The following NAALADL2 variants were observed in gnomAD, a reference collection of about 807,000 sequenced individuals.
NAALADL2 encodes the protein inactive N-acetylated-alpha-linked acidic dipeptidase-like protein 2.
In NAALADL2, 76 loss-of-function variants were observed where a neutral mutation model predicts 87.2. The ratio of observed to expected loss-of-function variants is 0.87; its 90% CI spans 0.72 to 1.05. The LOEUF is 1.05. Among genes scored for constraint, NAALADL2 ranks in the 50% least tolerant of loss-of-function variants. The pLI, the probability that NAALADL2 is intolerant of heterozygous loss-of-function variation, is 0.00. For missense variants in NAALADL2, 1,089 were observed against 945.8 expected, an observed-to-expected ratio of 1.15 and a Z score of -1.99; for synonymous variants, 354 against 331.0, an observed-to-expected ratio of 1.07 and a Z score of -0.75.
intron 13 of NAALADL2, chr3:175,776,270 C>G (rs1449338810): frequency 6.6e-6 from 1 of 152,172 alleles, no homozygotes; most frequent in Non-Finnish European, 1.5e-5. Context: ...ACATACCTCC[C>G]CAGTAGCCTG....
At chr3:174,727,205 T>C (rs529499970) in intron 2 of NAALADL2, among the ~76,000 whole-genome samples, 8 of 152,116 alleles carry the variant, frequency 5.3e-5, no homozygotes, top group Non-Finnish European at 1.5e-5. Context: ...TGTTTTTTTT[T>C]CAATATTTTG....
chr3:175,169,909 T>C (rs1397853659), intron 2 of NAALADL2, among the ~76,000 whole-genome samples: 1 of 151,824 alleles, frequency 6.6e-6, no homozygotes, highest in Admixed American at 6.6e-5. Context: ...AACTCACTGG[T>C]TGAGAATATT....
intron 3 of NAALADL2, among the ~76,000 whole-genome samples, chr3:175,242,816 G>A (rs1348072134): frequency 1.3e-5 from 2 of 152,048 alleles, no homozygotes; most frequent in African/African-American, 4.8e-5. Context: ...CAATATAATA[G>A]GAGAAACTGG....
At chr3:175,029,448 A>C (rs1472137292) in intron 1 of NAALADL2, among the ~76,000 whole-genome samples, 4 of 152,068 alleles carry the variant, frequency 2.6e-5, no homozygotes, top group Non-Finnish European at 5.9e-5. Flanking sequence ...TGATATCTGC[A>C]TAACTCTCTC....
chr3:175,623,241 TTATTTGTAGC>T (rs1726484155), intron 10 of NAALADL2, among the ~76,000 whole-genome samples: 1 of 152,116 alleles, frequency 6.6e-6, no homozygotes, highest in South Asian at 2.1e-4. Flanking sequence ...AAAACCGAAT[TTATTTGTAGC>T]TAACCCATAA....
intron 13 of NAALADL2, among the ~76,000 whole-genome samples, chr3:175,777,226 T>C (rs937146965): frequency 2.5e-4 from 38 of 151,910 alleles, no homozygotes; most frequent in Non-Finnish European, 8.8e-5. Context: ...GGAATATTGT[T>C]TTAAAATAAA....
At chr3:175,801,062 G>A (rs1408410368) in intron 13 of NAALADL2, among the ~76,000 whole-genome samples, 1 of 152,090 alleles carries the variant, frequency 6.6e-6, no homozygotes, top group Non-Finnish European at 1.5e-5. Flanking sequence ...AGAGGAAATG[G>A]TGATCAAGAA....
chr3:174,829,087 T>C (rs1722315620), intron 3 of NAALADL2, among the ~76,000 whole-genome samples: 1 of 148,962 alleles, frequency 6.7e-6, no homozygotes, highest in Non-Finnish European at 1.5e-5. Context: ...AGGTATTACA[T>C]CTGTTTTTTT....
chr3:174,733,036 A>G (rs1706504604), intron 2 of NAALADL2, among the ~76,000 whole-genome samples: 1 of 152,204 alleles, frequency 6.6e-6, no homozygotes, highest in Non-Finnish European at 1.5e-5. Flanking sequence ...GTATAGAGAA[A>G]AACATCCTCC....
At chr3:175,374,878 AAATAAAT>A (rs1409179926) in intron 5 of NAALADL2, among the ~76,000 whole-genome samples, 1 of 75,076 alleles carries the variant, frequency 1.3e-5, no homozygotes, top group African/African-American at 5.7e-5. Context: ...TGTCGCAAAT[AAATAAAT>A]AAATAAATAA....
At chr3:175,418,073 T>G (rs1714983820) in intron 5 of NAALADL2, among the ~76,000 whole-genome samples, 1 of 151,898 alleles carries the variant, frequency 6.6e-6, no homozygotes, top group African/African-American at 2.4e-5. Context: ...TGGGAAGAGT[T>G]TGGGAAATCA....
chr3:174,959,491 A>C (rs180816879), intron 1 of NAALADL2, among the ~76,000 whole-genome samples: 4 of 152,180 alleles, frequency 2.6e-5, no homozygotes, highest in African/African-American at 9.6e-5. Context: ...GTGAGTTCAC[A>C]AAATTTAACA....
chr3:175,285,963 G>C (rs539808572), intron 4 of NAALADL2, among the ~76,000 whole-genome samples: 1 of 152,024 alleles, frequency 6.6e-6, no homozygotes. Context: ...GTTTAAAAGT[G>C]CACATTTTAT....
chr3:175,188,358 C>G (rs915356165), intron 2 of NAALADL2, among the ~76,000 whole-genome samples: 1 of 152,134 alleles, frequency 6.6e-6, no homozygotes, highest in Non-Finnish European at 1.5e-5. Context: ...ATATTGCTCC[C>G]TACACCTGAG....
intron 3 of NAALADL2, among the ~76,000 whole-genome samples, chr3:174,761,430 T>C (rs577721485): frequency 1.3e-5 from 2 of 152,292 alleles, no homozygotes; most frequent in South Asian, 2.1e-4. Context: ...AAAAATAGTA[T>C]ATTAACTCCA....
intron 3 of NAALADL2, among the ~76,000 whole-genome samples, chr3:174,766,043 G>T (rs373245213): frequency 2.2e-4 from 33 of 152,080 alleles, no homozygotes; most frequent in African/African-American, 7.7e-4. Context: ...TTAAAGATTT[G>T]GCATTTTGTT....
At chr3:175,101,985 C>T (rs1008371183) in intron 2 of NAALADL2, among the ~76,000 whole-genome samples, 4 of 152,280 alleles carry the variant, frequency 2.6e-5, no homozygotes, top group African/African-American at 9.6e-5. Flanking sequence ...TTATTTCCTT[C>T]TATCATTCCC....
chr3:175,095,527 A>G (rs1187059047), intron 1 of NAALADL2, among the ~76,000 whole-genome samples: 1 of 152,028 alleles, frequency 6.6e-6, no homozygotes, highest in Non-Finnish European at 1.5e-5. Context: ...TTTTTATTTT[A>G]TAAAATTTAA....
chr3:174,898,926 G>C (rs967820222), intron 1 of NAALADL2, among the ~76,000 whole-genome samples: 8 of 152,128 alleles, frequency 5.3e-5, no homozygotes, highest in Non-Finnish European at 1.5e-5. Context: ...TTGAGTAGTA[G>C]TTGCATGGGT....
Sources: allele counts gnomAD v4.1 joint callset (sites outside exome capture counted in the v4.1 genomes callset), GRCh38; gene constraint gnomAD v4.1.1; transcripts MANE v1.5; gene names NCBI Gene and HGNC (gene_info 2026-07-23, HGNC 2026-07-21).